The following CHAF1A variants were observed in gnomAD, a reference collection of about 807,000 sequenced individuals.
CHAF1A encodes the protein chromatin assembly factor 1 subunit A.
In CHAF1A, 5 loss-of-function variants were observed where a neutral mutation model predicts 93.2. That is an observed-to-expected ratio of 0.05 (90% CI 0.03 to 0.11). The LOEUF is 0.11. CHAF1A is among the 10% of genes least tolerant of loss of function. The pLI, the probability that CHAF1A is intolerant of heterozygous loss-of-function variation, is 1.00. For missense variants in CHAF1A, 1,102 were observed against 1,259.9 expected (o/e 0.87, Z 1.90); for synonymous variants, 504 against 510.3 (o/e 0.99, Z 0.17).
intron 3 of CHAF1A, among the ~76,000 whole-genome samples, chr19:4,410,090 A>G (rs942159657): frequency 2.6e-5 from 4 of 152,156 alleles, no homozygotes; most frequent in Admixed American, 2.0e-4. Context: ...GTAACCCCTC[A>G]CTTCAGATTC....
At chr19:4,408,019 CT>C (rs368460265) in intron 2 of CHAF1A, among the ~76,000 whole-genome samples, 4 of 150,230 alleles carry the variant, frequency 2.7e-5, no homozygotes, top group African/African-American at 4.9e-5. Flanking sequence ...CCCACCCCCT[CT>C]TTTTTTTTGA....
At chr19:4,435,524 C>T (rs970093936) in intron 13 of CHAF1A, among the ~76,000 whole-genome samples, 4 of 152,080 alleles carry the variant, frequency 2.6e-5, no homozygotes, top group Non-Finnish European at 5.9e-5. Context: ...ACTACAGGTG[C>T]ATGCCACCAC....
chr19:4,447,206 C>T, downstream of CHAF1A: 1 of 580,078 alleles, frequency 1.7e-6, no homozygotes, highest in Non-Finnish European at 3.1e-6. Flanking sequence ...TAACACCGCC[C>T]AGGACCCCAG....
downstream of CHAF1A, chr19:4,446,548 T>C: frequency 6.2e-7 from 1 of 1,612,168 alleles, no homozygotes; most frequent in East Asian, 2.2e-5. Flanking sequence ...GTTGAAGAAG[T>C]CCCCAGGCAG....
Position 4,423,366 on chromosome 19 carries a change from G to A in CHAF1A, c.1279G>A (p.Glu427Lys). ...ACTTGAGGAAAAAAGGAAAAAGGAA[G>A]AAGAGAAACGGTTAAGAGAAGAAGA... The part of the protein sequence containing the change: ...AKLEEKRKKE[E>K]EKRLREEEKR... Residue 427 changes from glutamate to lysine, a missense_variant, in exon 6 of 15, where the codon GAA becomes AAA. Around this residue, in one of 6 missense-constraint regions of CHAF1A, gnomAD observed 165 missense variants for 243.9 expected, o/e 0.68. Transcript: ENST00000301280. 3.7e-6 allele frequency: 6 copies of A among 1,614,114 alleles called. No individual in the cohort carries two copies. Among genetic ancestry groups the A allele is most frequent in the Non-Finnish European group, 5.1e-6 (6 of 1,179,990 alleles).
intron 2 of CHAF1A, among the ~76,000 whole-genome samples, chr19:4,407,985 G>T (rs1234603855): frequency 6.6e-6 from 1 of 151,764 alleles, no homozygotes; most frequent in Non-Finnish European, 1.5e-5. Flanking sequence ...TGTTAGAAAA[G>T]GATAGAATGA....
intron 4 of CHAF1A, among the ~76,000 whole-genome samples, chr19:4,418,889 A>C (rs1166473633): frequency 1.3e-5 from 2 of 151,562 alleles, no homozygotes; most frequent in Non-Finnish European, 2.9e-5. Context: ...TTTGAGACGG[A>C]GTCTTGCTCT....
At position 4,409,440 on chromosome 19, in the gene CHAF1A, C is replaced by T. The variant is rs749649310; in HGVS notation, c.641C>T (p.Pro214Leu). The T allele has an allele frequency of 2.5e-6, 4 of 1,614,002 alleles. No homozygotes were observed. The highest frequency in any genetic ancestry group is 3.3e-5 in the Admixed American group (2 of 60,000). Residue 214 changes from proline (P) to leucine (L), a missense_variant, in exon 3 of 15, where the codon CCG becomes CTG. Physicochemically the swap from Pro to Leu is moderately conservative, Grantham distance 98 (BLOSUM62 -3). Coordinates refer to ENST00000301280, the MANE Select transcript of CHAF1A (RefSeq NM_005483.3). ...PRSCPELTSG[P>L]RMCPRKEQDS... Reference sequence around the variant, plus strand: ...AGCTGCCCGGAGCTGACGAGTGGCCCGAGAATGTGCCCCAGAAAGGAGCAG... The same window carrying T: ...AGCTGCCCGGAGCTGACGAGTGGCCTGAGAATGTGCCCCAGAAAGGAGCAG...
At chr19:4,421,140 G>A (rs1464114617) in intron 4 of CHAF1A, among the ~76,000 whole-genome samples, 2 of 152,168 alleles carry the variant, frequency 1.3e-5, no homozygotes, top group Non-Finnish European at 2.9e-5. Context: ...CTGCAGTGCC[G>A]TGGCGTGATC....
intron 2 of CHAF1A, among the ~76,000 whole-genome samples, chr19:4,407,246 C>CA (rs201896804): frequency 0.027 from 3,009 of 111,872 alleles, 100 homozygotes; most frequent in African/African-American, 0.086. Context: ...CACACCCCCC[C>CA]CAAAAAAAAA....
intron 2 of CHAF1A, among the ~76,000 whole-genome samples, chr19:4,407,988 T>A (rs1286784414): frequency 6.6e-6 from 1 of 151,230 alleles, no homozygotes; most frequent in Non-Finnish European, 1.5e-5. Flanking sequence ...TAGAAAAGGA[T>A]AGAATGAAAA....
At chr19:4,441,897 C>CA (rs910832960) in intron 13 of CHAF1A, among the ~76,000 whole-genome samples, 31 of 150,250 alleles carry the variant, frequency 2.1e-4, no homozygotes, top group African/African-American at 7.1e-4. Context: ...GACTCCGTCT[C>CA]AAAAAAAAAT....
In CHAF1A at chr19:4,433,191, C is replaced by T. The variant is rs767241040; in HGVS notation, c.2325C>T (p.Ser775=). ...GCAACCACACCGGCAGCCCGCGGAG[C>T]CCCTCCACCACCTACCTGCACACCC... is the stretch of plus-strand genomic sequence containing the variant. ...LLSNHTGSPR[S]PSTTYLHTPT... Residue 775 remains serine (S), a synonymous_variant, in exon 13 of 15, where the codon AGC becomes AGT. Coordinates refer to ENST00000301280, the MANE Select transcript of CHAF1A (RefSeq NM_005483.3). This position sits in a 1 kb window ranked among gnomAD's most constrained non-coding sequence, Gnocchi z 5.6. 3.7e-6 allele frequency: 6 copies of T among 1,613,748 alleles called. No individual in the cohort carries two copies. Among genetic ancestry groups the T allele is most frequent in the Non-Finnish European group, 3.4e-6 (4 of 1,179,876 alleles).
chr19:4,404,885 T>G (rs1365283615), intron 1 of CHAF1A, among the ~76,000 whole-genome samples: 1 of 152,214 alleles, frequency 6.6e-6, no homozygotes, highest in Non-Finnish European at 1.5e-5. Flanking sequence ...ATATTTTGTC[T>G]TATCTTCTCT....
At chr19:4,450,509 A>G in the CHAF1A span, 6 of 152,122 alleles carry the variant, frequency 3.9e-5, no homozygotes, top group Non-Finnish European at 1.5e-5. Flanking sequence ...CTGTAATCCC[A>G]GCACTTTGGG....
At chr19:4,426,448 G>A (rs1299245378) in intron 7 of CHAF1A, among the ~76,000 whole-genome samples, 1 of 151,880 alleles carries the variant, frequency 6.6e-6, no homozygotes, top group Non-Finnish European at 1.5e-5. Context: ...GATTACAGGT[G>A]TGAGCCACCG....
intron 13 of CHAF1A, among the ~76,000 whole-genome samples, chr19:4,435,728 T>TTGGGCTTTCCTTCAAGGCCACGATCTGA: frequency 1.3e-5 from 2 of 152,300 alleles, no homozygotes; most frequent in South Asian, 4.1e-4. Flanking sequence ...CCTGTGAACC[T>TTGGGCTTTCCTTCAAGGCCACGATCTGA]TGGGCTTTCC....
At chr19:4,436,865 A>G (rs561735247) in intron 13 of CHAF1A, among the ~76,000 whole-genome samples, 19 of 152,272 alleles carry the variant, frequency 1.2e-4, no homozygotes, top group Admixed American at 7.2e-4. Flanking sequence ...CCACCCGGAA[A>G]ATAGCGCCCT....
At chr19:4,418,763 C>G (rs1973939780) in intron 4 of CHAF1A, among the ~76,000 whole-genome samples, 1 of 152,060 alleles carries the variant, frequency 6.6e-6, no homozygotes, top group Admixed American at 6.6e-5. Context: ...TCTGAATAGC[C>G]TCTACACTCG....
Sources: gnomAD v4.1 joint callset for allele counts (sites outside exome capture counted in the v4.1 genomes callset) on GRCh38, gnomAD v4.1.1 for gene constraint, gnomAD v4.1.1 regional missense constraint, Gnocchi (gnomAD v3.1) non-coding constraint, MANE v1.5 for transcripts, NCBI Gene and HGNC (gene_info 2026-07-23, HGNC 2026-07-21) for gene names.